GTF2E1: variants seen among roughly 807,000 people sequenced by gnomAD.
GTF2E1 encodes the protein TFIIE alpha subunit.
In GTF2E1, 14 loss-of-function variants were observed where a neutral mutation model predicts 34.9. The ratio of observed to expected loss-of-function variants is 0.40; its 90% CI spans 0.27 to 0.63. The LOEUF is 0.63. Among genes scored for constraint, GTF2E1 ranks in the 20% least tolerant of loss-of-function variants. The probability of loss-of-function intolerance (pLI) is 0.39; values close to 1 mark genes in which losing one functional copy is unlikely to be tolerated. For missense variants in GTF2E1, 469 were observed against 557.7 expected (o/e 0.84, Z 1.60); for synonymous variants, 188 against 192.9 (o/e 0.97, Z 0.21).
intron 1 of GTF2E1, among the ~76,000 whole-genome samples, chr3:120,746,421 A>G (rs1046048203): frequency 1.3e-5 from 2 of 151,942 alleles, no homozygotes; most frequent in African/African-American, 2.4e-5. Context: ...CCTGTGAGGC[A>G]GAAGTTGCAG....
chr3:120,782,326 C>T lies in GTF2E1; in HGVS notation c.*856C>T, dbSNP rs540549523. 6.6e-6 allele frequency: 1 copy of T among 152,242 alleles called. No homozygotes were observed. The highest frequency in any genetic ancestry group is 6.5e-5 in the Admixed American group (1 of 15,282). 9.4% of individuals were successfully genotyped at this position (152,242 alleles called of 1,614,324 possible). A position where few individuals can be genotyped will look rare whatever the true frequency, so the allele number is the denominator to read the frequency against. ...GGAAGGGGGAGAGATATACTTGAGT[C>T]TTATGATTAATGTCTAAACCAGAAT... On this transcript the variant is annotated 3_prime_UTR_variant, in exon 5 of 5. Coordinates refer to ENST00000283875, the MANE Select transcript of GTF2E1 (RefSeq NM_005513.3).
intron 2 of GTF2E1, among the ~76,000 whole-genome samples, chr3:120,764,391 T>C (rs1709289778): frequency 6.6e-6 from 1 of 152,204 alleles, no homozygotes; most frequent in South Asian, 2.1e-4. Flanking sequence ...CATTTGATCT[T>C]CCCTGTTTCC....
intron 3 of GTF2E1, among the ~76,000 whole-genome samples, chr3:120,774,399 A>G (rs1033098573): frequency 6.6e-6 from 1 of 152,168 alleles, no homozygotes; most frequent in Non-Finnish European, 1.5e-5. Context: ...AGAAGAGAAA[A>G]GTTCGAAAAG....
intron 2 of GTF2E1, among the ~76,000 whole-genome samples, chr3:120,754,946 A>G (rs923324063): frequency 6.6e-6 from 1 of 152,124 alleles, no homozygotes; most frequent in Non-Finnish European, 1.5e-5. Flanking sequence ...GCATAATGTA[A>G]TAACGAATAA....
intron 2 of GTF2E1, among the ~76,000 whole-genome samples, chr3:120,754,748 C>T (rs1258807345): frequency 1.3e-5 from 2 of 151,678 alleles, no homozygotes; most frequent in African/African-American, 4.8e-5. Context: ...CACCTAGGGA[C>T]CTAGGAGTCA....
chr3:120,744,520 G>C (rs1227788292), intron 1 of GTF2E1, among the ~76,000 whole-genome samples: 1 of 152,148 alleles, frequency 6.6e-6, no homozygotes, highest in Non-Finnish European at 1.5e-5. Flanking sequence ...CCTGCTCCTC[G>C]TCAGGGGTCA....
chr3:120,770,447 A>G (rs1251836369), intron 2 of GTF2E1, among the ~76,000 whole-genome samples: 1 of 152,202 alleles, frequency 6.6e-6, no homozygotes, highest in Non-Finnish European at 1.5e-5. Context: ...GCTTTAAGTT[A>G]AAATAAATAC....
At chr3:120,745,385 G>A (rs943828173) in intron 1 of GTF2E1, among the ~76,000 whole-genome samples, 7 of 152,110 alleles carry the variant, frequency 4.6e-5, no homozygotes, top group African/African-American at 1.7e-4. Context: ...AAGGAAACAG[G>A]CTGAGCAATA....
chr3:120,777,623 G>A (rs551466085), intron 4 of GTF2E1, among the ~76,000 whole-genome samples: 10 of 152,154 alleles, frequency 6.6e-5, no homozygotes, highest in Non-Finnish European at 1.5e-4. Flanking sequence ...TGATGGTAAA[G>A]CAGCTAATAC....
intron 3 of GTF2E1, 43 bp from the exon 4 acceptor site, chr3:120,776,380 T>A (rs1709399070): frequency 6.4e-7 from 1 of 1,564,476 alleles, no homozygotes; most frequent in Non-Finnish European, 8.6e-7. Flanking sequence ...CACCAAGACA[T>A]TAATTTTTCT....
chr3:120,751,629 A>C (rs1295190151), intron 2 of GTF2E1, among the ~76,000 whole-genome samples: 1 of 152,218 alleles, frequency 6.6e-6, no homozygotes, highest in Non-Finnish European at 1.5e-5. Context: ...CAATTTAGAA[A>C]GCATGCATTA....
At position 120,782,819 on chromosome 3, in the gene GTF2E1, C is replaced by G. The variant is rs1203319292; in HGVS notation, c.*1349C>G. ...CATTGAGCATTGTAACCTCAGGAAACAGTTTATTTTGGGTTCTGATATGTA... is the reference window on the plus strand; with the variant it reads ...CATTGAGCATTGTAACCTCAGGAAAGAGTTTATTTTGGGTTCTGATATGTA... On this transcript the variant is annotated 3_prime_UTR_variant, in exon 5 of 5. Coordinates refer to ENST00000283875, the MANE Select transcript of GTF2E1 (RefSeq NM_005513.3). 1 of 152,166 alleles carries G rather than the reference C, an allele frequency of 6.6e-6. No individual in the cohort carries two copies. The highest frequency in any genetic ancestry group is 2.4e-5 in the African/African-American group (1 of 41,430). 9.4% of individuals were successfully genotyped at this position (152,166 alleles called of 1,614,324 possible).
intron 1 of GTF2E1, among the ~76,000 whole-genome samples, chr3:120,749,156 G>C (rs1709139580): frequency 6.6e-6 from 1 of 152,166 alleles, no homozygotes; most frequent in African/African-American, 2.4e-5. Context: ...ATTTTGGGCT[G>C]AGACAATGGG....
chr3:120,761,851 C>T (rs1259402139), intron 2 of GTF2E1, among the ~76,000 whole-genome samples: 7 of 143,330 alleles, frequency 4.9e-5, no homozygotes, highest in Admixed American at 1.5e-4. Context: ...AGTGCAGTGG[C>T]GTGATCTCGG....
At chr3:120,766,952 C>T (rs889143236) in intron 2 of GTF2E1, among the ~76,000 whole-genome samples, 1 of 152,074 alleles carries the variant, frequency 6.6e-6, no homozygotes, top group African/African-American at 2.4e-5. Context: ...ATAAAAAATG[C>T]TGCTGGTATA....
intron 2 of GTF2E1, among the ~76,000 whole-genome samples, chr3:120,758,117 G>A (rs1371221310): frequency 2.0e-5 from 3 of 152,256 alleles, no homozygotes; most frequent in East Asian, 3.9e-4. Context: ...CCAAGATCAC[G>A]CCACTGCCAG....
At chr3:120,772,153 TC>T (rs1709357210) in intron 3 of GTF2E1, among the ~76,000 whole-genome samples, 3 of 152,170 alleles carry the variant, frequency 2.0e-5, no homozygotes, top group Admixed American at 2.0e-4. Context: ...GACCGTCCCT[TC>T]CTTGTGTCCT....
chr3:120,779,055 G>A (rs925381540), intron 4 of GTF2E1, among the ~76,000 whole-genome samples: 7 of 152,058 alleles, frequency 4.6e-5, no homozygotes, highest in Non-Finnish European at 8.8e-5. Context: ...TGTTGAAAAA[G>A]GCTGTTCCTA....
At chr3:120,749,686 A>C (rs1159239560) in intron 1 of GTF2E1, 1 of 152,150 alleles carries the variant, frequency 6.6e-6, no homozygotes, top group Non-Finnish European at 1.5e-5. Context: ...TTTTTGCATC[A>C]ATGTTCATCA....
Sources: allele counts gnomAD v4.1 joint callset (sites outside exome capture counted in the v4.1 genomes callset), GRCh38; gene constraint gnomAD v4.1.1; transcripts MANE v1.5; gene names NCBI Gene and HGNC (gene_info 2026-07-23, HGNC 2026-07-21).